Variants in FCN2 observed in about 807,000 individuals in gnomAD.
FCN2 encodes the protein ficolin-2.
FCN2 carries 31 observed loss-of-function variants against 32.5 expected under a neutral mutation model. The observed-to-expected ratio is 0.96, with a 90% CI of 0.72 to 1.29. The LOEUF (loss-of-function observed/expected upper bound fraction) is 1.29, where lower values mean the gene tolerates loss of function less well. Among genes scored for constraint, FCN2 ranks in the 50% most tolerant of loss-of-function variants. FCN2 has a pLI of 0.00. For missense variants in FCN2, 412 were observed against 406.5 expected (o/e 1.01, Z -0.12); for synonymous variants, 181 against 164.5 (o/e 1.10, Z -0.77).
the FCN2 span, among the ~76,000 whole-genome samples, chr9:134,872,833 A>G: frequency 6.6e-6 from 1 of 152,184 alleles, no homozygotes. Flanking sequence ...ATCAGTGGGT[A>G]TGTTTTTAAC....
chr9:134,875,148 T>G, the FCN2 span, among the ~76,000 whole-genome samples: 3,367 of 152,372 alleles, frequency 0.022, 122 homozygotes, highest in African/African-American at 0.073. Context: ...GACAGTTTAC[T>G]TCTTCCTTTC....
the FCN2 span, among the ~76,000 whole-genome samples, chr9:134,874,332 G>C: frequency 6.6e-6 from 1 of 152,032 alleles, no homozygotes; most frequent in Non-Finnish European, 1.5e-5. Flanking sequence ...GTTTTCTTCT[G>C]GAAGTTTTAT....
At chr9:134,880,712 C>T (rs1391502851), upstream of FCN2, 14 of 870,284 alleles carry the variant, frequency 1.6e-5, no homozygotes, top group East Asian at 1.8e-4. Context: ...ACCAAGCCCG[C>T]GGAGAGGAAG....
At chr9:134,866,654 T>C in the FCN2 span, among the ~76,000 whole-genome samples, 2 of 148,560 alleles carry the variant, frequency 1.3e-5, no homozygotes, top group Non-Finnish European at 3.0e-5. Flanking sequence ...CTAATTAAAC[T>C]AAAGAGCTTC....
the FCN2 span, among the ~76,000 whole-genome samples, chr9:134,871,428 C>T: frequency 1.3e-5 from 2 of 152,216 alleles, no homozygotes; most frequent in African/African-American, 2.4e-5. Flanking sequence ...ATATCATCAT[C>T]CTGACCAGGA....
chr9:134,880,984 A>G, intron 1 of FCN2, 63 bp downstream of exon 1: 1 of 1,238,594 alleles, frequency 8.1e-7, no homozygotes, highest in South Asian at 1.3e-5. Context: ...CAGCTTCGTG[A>G]TTGGTGGCTT....
chr9:134,884,680 G>C (rs1830716542), intron 3 of FCN2, 60 bp from the exon 4 acceptor site: 48 of 1,537,080 alleles, frequency 3.1e-5, no homozygotes, highest in Non-Finnish European at 4.2e-5. Context: ...GGACCAATGG[G>C]GGCTGAAGGG....
upstream of FCN2, among the ~76,000 whole-genome samples, chr9:134,880,658 T>C (rs1057286265): frequency 1.3e-5 from 2 of 151,734 alleles, no homozygotes; most frequent in Admixed American, 6.6e-5. Flanking sequence ...GGGCGGGGGG[T>C]AGGGAGCAGC....
chr9:134,868,867 C>T, the FCN2 span, among the ~76,000 whole-genome samples: 2 of 152,192 alleles, frequency 1.3e-5, no homozygotes, highest in African/African-American at 2.4e-5. The surrounding 1 kb of genome is among the most constrained non-coding windows in gnomAD (Gnocchi z 4.3). Flanking sequence ...GAGGGAGTTC[C>T]CCACTGGCTA....
chr9:134,879,852 C>A (rs528238265), upstream of FCN2, among the ~76,000 whole-genome samples: 3 of 152,084 alleles, frequency 2.0e-5, no homozygotes, highest in African/African-American at 7.2e-5. Flanking sequence ...TGGCAGGGTG[C>A]GGTGGTGGTA....
Position 134,886,512 on chromosome 9 carries a change from C to G in FCN2, c.642C>G (p.Asp214Glu). ...FAKYRSFKVA[D>E]EAEKYNLVLG... The stretch of plus-strand genomic sequence containing the variant: ...AGTACAGATCATTCAAGGTGGCCGA[C>G]GAGGCGGAGAAGTACAATCTGGTCC... Residue 214 changes from aspartate (D) to glutamate (E), a missense_variant, in exon 7 of 8, where the codon GAC becomes GAG. Asp to Glu is a conservative substitution (Grantham distance 45, BLOSUM62 2). Transcript: ENST00000291744. 3 of 1,614,124 alleles carry G rather than the reference C, an allele frequency of 1.9e-6. No homozygotes were observed. The highest frequency in any genetic ancestry group is 2.5e-6 in the Non-Finnish European group (3 of 1,180,014).
In FCN2 at chr9:134,883,283, G is replaced by A. The variant is rs781480634; in HGVS notation, c.215-19G>A. ...GGGCTGGGCAGTTTTCCTCAAGTCAGTGTCTTTGGAAATTGCAGGAGAACG... is the reference window on the plus strand; with the variant it reads ...GGGCTGGGCAGTTTTCCTCAAGTCAATGTCTTTGGAAATTGCAGGAGAACG... On this transcript the variant is annotated intron_variant, in intron 2 of 7. Coordinates refer to ENST00000291744, the MANE Select transcript of FCN2 (RefSeq NM_004108.3). 1 of 1,607,156 alleles carries A rather than the reference G, an allele frequency of 6.2e-7. No individual in the cohort carries two copies. Among genetic ancestry groups the A allele is most frequent in the South Asian group, 1.1e-5 (1 of 90,900 alleles).
At chr9:134,884,689 G>A (rs772042293) in intron 3 of FCN2, 51 bp from the exon 4 acceptor site, 1 of 1,585,240 alleles carries the variant, frequency 6.3e-7, no homozygotes, top group Non-Finnish European at 8.7e-7. Context: ...GGGGCTGAAG[G>A]GCTCTGATTT....
the FCN2 span, among the ~76,000 whole-genome samples, chr9:134,865,633 G>T: frequency 5.4e-5 from 8 of 147,674 alleles, 1 homozygote; most frequent in South Asian, 1.7e-3. Context: ...CAGGGGTGAG[G>T]ACAGATAAAA....
upstream of FCN2, among the ~76,000 whole-genome samples, chr9:134,876,378 C>A (rs1007562854): frequency 3.9e-5 from 6 of 152,176 alleles, no homozygotes; most frequent in African/African-American, 1.4e-4. Flanking sequence ...TGGTAGATTT[C>A]ATCAGTGACG....
At chr9:134,875,869 G>C (rs1476603444), upstream of FCN2, among the ~76,000 whole-genome samples, 1 of 152,142 alleles carries the variant, frequency 6.6e-6, no homozygotes, top group African/African-American at 2.4e-5. Flanking sequence ...ATGGACTCCT[G>C]ACCCACAAAA....
chr9:134,865,287 G>GC, the FCN2 span, among the ~76,000 whole-genome samples: 1 of 152,180 alleles, frequency 6.6e-6, no homozygotes, highest in Non-Finnish European at 1.5e-5. Flanking sequence ...GGAGGCTCTG[G>GC]CCCCCCTGCA....
Position 134,882,510 on chromosome 9 carries a change from C to CTG in FCN2, c.101-12_101-11dup. ...GGCCCAGGTGACACTGAGTGGCCAC[C>CTG]TGTGTTTTTCTGCAGAGGTGAAGAT... On this transcript the variant is annotated splice_polypyrimidine_tract_variant and intron_variant, in intron 1 of 7. Coordinates refer to ENST00000291744, the MANE Select transcript of FCN2 (RefSeq NM_004108.3). 1 of 1,608,090 alleles carries CTG rather than the reference C, an allele frequency of 6.2e-7. No individual in the cohort carries two copies. Among genetic ancestry groups the CTG allele is most frequent in the Non-Finnish European group, 8.5e-7 (1 of 1,174,590 alleles).
upstream of FCN2, among the ~76,000 whole-genome samples, chr9:134,880,024 T>G (rs979222534): frequency 6.6e-6 from 1 of 152,084 alleles, no homozygotes; most frequent in Non-Finnish European, 1.5e-5. Flanking sequence ...CTGAAGTAAG[T>G]CCACAGCCAT....
Sources: allele counts gnomAD v4.1 joint callset (sites outside exome capture counted in the v4.1 genomes callset), GRCh38; gene constraint gnomAD v4.1.1; non-coding constraint Gnocchi (gnomAD v3.1); transcripts MANE v1.5; gene names NCBI Gene and HGNC (gene_info 2026-07-23, HGNC 2026-07-21).